The following LIPF variants were observed in gnomAD, a reference collection of about 807,000 sequenced individuals.
LIPF encodes lipase F, gastric type, also known as gastric triacylglycerol lipase.
Under a neutral mutation model 38.0 loss-of-function variants are expected in LIPF, and 25 were observed. The ratio of observed to expected loss-of-function variants is 0.66; its 90% CI spans 0.48 to 0.92. The LOEUF is 0.92. Among genes scored for constraint, LIPF ranks in the 40% least tolerant of loss-of-function variants. LIPF has a pLI of 0.00. For missense variants in LIPF, 410 were observed against 469.9 expected, an observed-to-expected ratio of 0.87 and a Z score of 1.18; for synonymous variants, 161 against 156.2, an observed-to-expected ratio of 1.03 and a Z score of -0.23.
chr10:88,669,761 T>C, intron 4 of LIPF, 76 bp from the exon 5 acceptor site: 1 of 1,005,780 alleles, frequency 9.9e-7, no homozygotes, highest in East Asian at 2.4e-5. Context: ...AAAGGGATCA[T>C]TAGCTATAAA....
intron 1 of LIPF, among the ~76,000 whole-genome samples, chr10:88,667,026 CA>C (rs1219679923): frequency 4.0e-5 from 6 of 151,748 alleles, no homozygotes; most frequent in African/African-American, 7.3e-5. Flanking sequence ...GGCTTGAAAC[CA>C]AGTGGAAAAT....
chr10:88,667,142 T>C (rs1841523321), intron 1 of LIPF, 145 bp from the exon 2 acceptor site: 1 of 544,094 alleles, frequency 1.8e-6, no homozygotes. Flanking sequence ...TGTGCTGACA[T>C]CCATATGTCT....
Position 88,668,515 on chromosome 10 carries a change from T to A in LIPF, c.224-43T>A, listed in dbSNP as rs376312429. On this transcript the variant is annotated intron_variant, in intron 3 of 9. Coordinates refer to ENST00000238983, the MANE Select transcript of LIPF (RefSeq NM_004190.4). ...TTCTAGCCTCACATTTATCCTAGAA[T>A]AAGGAATACATTTATAAAGTTTATA... The A allele has an allele frequency of 5.8e-6, 9 of 1,554,316 alleles. No homozygotes were observed. The South Asian group carries it at 1.0e-4, about 17-fold the overall frequency.
chr10:88,672,363 G>A (rs1001963947), intron 6 of LIPF, among the ~76,000 whole-genome samples: 1 of 152,084 alleles, frequency 6.6e-6, no homozygotes, highest in African/African-American at 2.4e-5. Context: ...AAAGAGGAGG[G>A]AAAGGAAGGG....
chr10:88,665,336 A>T, intron 1 of LIPF: 1 of 501,518 alleles, frequency 2.0e-6, no homozygotes, highest in Non-Finnish European at 3.6e-6. Flanking sequence ...CCCCTAACAT[A>T]GAGAAATGTA....
At chr10:88,674,219 A>G (rs1170558299) in intron 7 of LIPF, among the ~76,000 whole-genome samples, 3 of 152,038 alleles carry the variant, frequency 2.0e-5, no homozygotes, top group Non-Finnish European at 4.4e-5. Flanking sequence ...CCCAGGCTGG[A>G]GTGCAGTGGC....
chr10:88,677,566 A>G (rs1418535931), intron 9 of LIPF, among the ~76,000 whole-genome samples: 3 of 152,232 alleles, frequency 2.0e-5, no homozygotes, highest in Non-Finnish European at 2.9e-5. Flanking sequence ...AATATTTAGG[A>G]AATATAATAG....
intron 6 of LIPF, among the ~76,000 whole-genome samples, chr10:88,672,242 T>C (rs944402028): frequency 6.6e-6 from 1 of 152,130 alleles, no homozygotes; most frequent in Non-Finnish European, 1.5e-5. Context: ...TTAAGCACTC[T>C]ACACAGTTGT....
chr10:88,678,760 C>A lies in LIPF; in HGVS notation c.*79C>A. 2.3e-6 allele frequency: 2 copies of A among 885,192 alleles called. No homozygotes were observed. Among genetic ancestry groups the A allele is most frequent in the Non-Finnish European group, 3.6e-6 (2 of 561,406 alleles). 54.8% of individuals were successfully genotyped at this position (885,192 alleles called of 1,614,324 possible). ...TACATAGTATTTTCATAATGTTTGA[C>A]ATGCAGTGCTTCTTTCTGTAATTTT... On this transcript the variant is annotated 3_prime_UTR_variant, in exon 10 of 10. Transcript: ENST00000238983.
chr10:88,672,017 AT>A, intron 6 of LIPF, 52 bp downstream of exon 6: 1 of 1,491,774 alleles, frequency 6.7e-7, no homozygotes, highest in Non-Finnish European at 9.1e-7. Context: ...TTGCCCATGG[AT>A]TTTAAAGTTA....
intron 6 of LIPF, among the ~76,000 whole-genome samples, chr10:88,672,666 A>ACTCTCTCT (rs1345269877): frequency 1.1e-4 from 13 of 121,936 alleles, no homozygotes; most frequent in South Asian, 2.9e-4. Flanking sequence ...ACACACACAC[A>ACTCTCTCT]CACACTCTCT....
At chr10:88,676,333 T>C in intron 9 of LIPF, 53 bp downstream of exon 9, 3 of 1,085,958 alleles carry the variant, frequency 2.8e-6, no homozygotes, top group Middle Eastern at 2.1e-4. Context: ...ATACTAACTA[T>C]TTAAATGTTA....
At chr10:88,667,912 T>C (rs910171777) in intron 3 of LIPF, among the ~76,000 whole-genome samples, 3 of 152,166 alleles carry the variant, frequency 2.0e-5, no homozygotes, top group Admixed American at 6.5e-5. Context: ...ATGAAATAGA[T>C]AAGTAAATGA....
chr10:88,672,305 CA>C (rs1183325524), intron 6 of LIPF, among the ~76,000 whole-genome samples: 1 of 151,388 alleles, frequency 6.6e-6, no homozygotes, highest in Admixed American at 6.6e-5. Context: ...AAAAACAAAA[CA>C]AAATAGTCAA....
chr10:88,667,580 T>C lies in LIPF; in HGVS notation c.117T>C (p.Ile39=). ...PEVTMNISQM[I]TYWGYPNEEY... The stretch of plus-strand genomic sequence containing the variant: ...GTTTGCTTCCTCAGAGTCAGATGAT[T>C]ACTTATTGGGGATACCCAAATGAAG... Residue 39 remains isoleucine (I), a synonymous_variant, in exon 3 of 10, where the codon ATT becomes ATC. Transcript: ENST00000238983. 6.4e-7 allele frequency: 1 copy of C among 1,572,500 alleles called. No individual in the cohort carries two copies. Among genetic ancestry groups the C allele is most frequent in the Non-Finnish European group, 8.7e-7 (1 of 1,144,926 alleles).
Position 88,673,721 on chromosome 10 carries a change from A to G in LIPF, c.803A>G (p.Lys268Arg), listed in dbSNP as rs1841641054. 1 of 1,612,368 alleles carries G rather than the reference A, an allele frequency of 6.2e-7. No individual in the cohort carries two copies. Reference protein sequence around the residue: ...ALFIICGFDSKNFNTSRLDVY... With the variant: ...ALFIICGFDSRNFNTSRLDVY... ...TTTATAATTTGTGGATTTGACAGTA[A>G]GAACTTTAACACGGTTAGTATGCAT... Residue 268 changes from lysine to arginine, a missense_variant, in exon 7 of 10, where the codon AAG becomes AGG. By Grantham distance (26) the Lys-to-Arg change is conservative (BLOSUM62 2). Coordinates refer to ENST00000238983, the MANE Select transcript of LIPF (RefSeq NM_004190.4).
intron 6 of LIPF, among the ~76,000 whole-genome samples, 183 bp downstream of exon 6, chr10:88,672,148 C>T (rs544588858): frequency 6.6e-6 from 1 of 152,220 alleles, no homozygotes; most frequent in African/African-American, 2.4e-5. Flanking sequence ...TTACAGCCTG[C>T]GAGATCCCCC....
chr10:88,665,737 A>ATTTTT (rs68081693), intron 1 of LIPF, among the ~76,000 whole-genome samples: 1,016 of 100,190 alleles, frequency 0.01, 50 homozygotes, highest in South Asian at 0.04. Context: ...TTAAAAACTG[A>ATTTTT]TTTTTTTTTT....
intron 1 of LIPF, among the ~76,000 whole-genome samples, chr10:88,665,825 C>A (rs560859636): frequency 6.9e-6 from 1 of 145,978 alleles, no homozygotes; most frequent in African/African-American, 2.5e-5. Flanking sequence ...CTCACTGCAA[C>A]CTCCGCCTCC....
Sources: allele counts gnomAD v4.1 joint callset (sites outside exome capture counted in the v4.1 genomes callset), GRCh38; gene constraint gnomAD v4.1.1; transcripts MANE v1.5; gene names NCBI Gene and HGNC (gene_info 2026-07-23, HGNC 2026-07-21).